The following WIPI2 variants were observed in gnomAD, a reference collection of about 807,000 sequenced individuals.
WIPI2 encodes WD repeat domain, phosphoinositide interacting 2, also known as WD repeat domain phosphoinositide-interacting protein 2.
WIPI2 carries 28 observed loss-of-function variants against 52.3 expected under a neutral mutation model. The ratio of observed to expected loss-of-function variants is 0.54; its 90% CI spans 0.40 to 0.73. WIPI2 has a LOEUF of 0.73. WIPI2 is among the 30% of genes least tolerant of loss of function. The pLI is 0.00. For synonymous variants in WIPI2, 268 were observed against 245.0 expected (o/e 1.09, Z -0.88); for missense variants, 506 against 602.9 (o/e 0.84, Z 1.68).
In WIPI2 at chr7:5,230,494, A is replaced by G. The variant is rs1159162130; in HGVS notation, c.1253-341A>G. Among the ~76,000 whole-genome samples, 4 of 152,156 alleles carry G rather than the reference A, an allele frequency of 2.6e-5. No individual in the cohort carries two copies. Among genetic ancestry groups the G allele is most frequent in the Non-Finnish European group, 5.9e-5 (4 of 68,024 alleles). ...TGTGAACCGGCACTTCCAGTTCATG[A>G]GCCCACCCTGAGAGTCTCCTAGTGT... On this transcript the variant is annotated intron_variant, in intron 12 of 12. Transcript: ENST00000288828. This position sits in a 1 kb window ranked among gnomAD's most constrained non-coding sequence, Gnocchi z 4.8.
intron 2 of WIPI2, among the ~76,000 whole-genome samples, chr7:5,194,219 G>A (rs1397592179): frequency 3.3e-5 from 5 of 152,252 alleles, no homozygotes; most frequent in South Asian, 2.1e-4. Flanking sequence ...GAGGGGGAGC[G>A]GGGATGGGGG....
intron 9 of WIPI2, 181 bp downstream of exon 9, chr7:5,226,111 C>T (rs1425697814): frequency 4.9e-6 from 3 of 615,462 alleles, no homozygotes; most frequent in Non-Finnish European, 8.7e-6. Context: ...GAGGATGGGC[C>T]CCAGCAGATG....
chr7:5,209,976 C>T (rs992127024), intron 3 of WIPI2, among the ~76,000 whole-genome samples: 6 of 152,252 alleles, frequency 3.9e-5, no homozygotes, highest in East Asian at 1.9e-4. Context: ...GGTGCCATCT[C>T]GGCTGGCTGC....
At chr7:5,193,333 C>G (rs1299401496) in intron 2 of WIPI2, 162 bp downstream of exon 2, 6 of 1,440,096 alleles carry the variant, frequency 4.2e-6, no homozygotes, top group Admixed American at 2.9e-5. Flanking sequence ...GTGGATACCA[C>G]AGCTTGTGGG....
Position 5,217,584 on chromosome 7 carries a change from C to T in WIPI2, c.577-338C>T, listed in dbSNP as rs376975841. 43 of 412,648 alleles carry T rather than the reference C, an allele frequency of 1.0e-4. 1 individual carries two copies. The East Asian group carries it at 2.0e-3, about 19-fold the overall frequency. The allele number at this position is 412,648 out of a possible 1,614,324, so 25.6% of individuals were successfully genotyped here. A position where few individuals can be genotyped will look rare whatever the true frequency, so the allele number is the denominator to read the frequency against. ...AGTGCTGGGACTACAGGCGGGTGCCCCGCGCCCAGCCCCACTGCTCTCTTC... is the reference window on the plus strand; with the variant it reads ...AGTGCTGGGACTACAGGCGGGTGCCTCGCGCCCAGCCCCACTGCTCTCTTC... On this transcript the variant is annotated intron_variant, in intron 6 of 12. Coordinates refer to ENST00000288828, the MANE Select transcript of WIPI2 (RefSeq NM_015610.4).
chr7:5,232,519 T>C lies in WIPI2; in HGVS notation c.*1572T>C. On this transcript the variant is annotated 3_prime_UTR_variant, in exon 13 of 13. Coordinates refer to ENST00000288828, the MANE Select transcript of WIPI2 (RefSeq NM_015610.4). ...TTTTCCTTCAAAACCTGCTTGTCTG[T>C]CCTGGACCTTTGATGAAATGGGATC... is the stretch of plus-strand genomic sequence containing the variant. 2.5e-6 allele frequency: 1 copy of C among 393,386 alleles called. No homozygotes were observed. 24.4% of individuals were successfully genotyped at this position (393,386 alleles called of 1,614,324 possible). A position where few individuals can be genotyped will look rare whatever the true frequency, so the allele number is the denominator to read the frequency against.
intron 1 of WIPI2, 151 bp downstream of exon 1, chr7:5,190,644 G>T (rs894985651): frequency 5.5e-5 from 40 of 733,520 alleles, no homozygotes; most frequent in Non-Finnish European, 4.8e-5. Context: ...CGGGCCCGGG[G>T]CGTGCAGGGA....
At chr7:5,222,960 C>T (rs928960408) in intron 8 of WIPI2, 1 of 401,926 alleles carries the variant, frequency 2.5e-6, no homozygotes, top group Admixed American at 3.9e-5. Context: ...TCCCAGCCTG[C>T]TGTAAGGGAC....
At chr7:5,219,200 G>C (rs1181995677) in intron 7 of WIPI2, among the ~76,000 whole-genome samples, 3 of 151,954 alleles carry the variant, frequency 2.0e-5, no homozygotes, top group Non-Finnish European at 2.9e-5. Context: ...CATAGCAAGG[G>C]CTCAGAAAGG....
chr7:5,212,339 G>A (rs1370717978), intron 3 of WIPI2, among the ~76,000 whole-genome samples: 53 of 152,098 alleles, frequency 3.5e-4, no homozygotes, highest in Admixed American at 3.4e-3. Flanking sequence ...GGATGCAACC[G>A]GGCCAGTGCG....
chr7:5,213,666 TTG>T (rs1488036424), intron 3 of WIPI2, among the ~76,000 whole-genome samples: 238 of 12,830 alleles, frequency 0.019, 1 homozygote, highest in African/African-American at 0.12. Context: ...TTTCTTTGTT[TTG>T]TTGTTGTTGT....
At position 5,216,547 on chromosome 7, in the gene WIPI2, T is replaced by A. The variant is rs944085364; in HGVS notation, c.382-16T>A. ...GCCGTTGCTTCACGTTTGGTTTCGT[T>A]TTGTCTCTCGCCTAGAGGCTGATAG... On this transcript the variant is annotated splice_polypyrimidine_tract_variant and intron_variant, in intron 4 of 12. Transcript: ENST00000288828. The A allele has an allele frequency of 1.2e-6, 2 of 1,613,578 alleles. No homozygotes were observed. The highest frequency in any genetic ancestry group is 1.7e-6 in the Non-Finnish European group (2 of 1,179,534).
At chr7:5,228,441 G>A (rs1253643247) in intron 11 of WIPI2, among the ~76,000 whole-genome samples, 1 of 152,244 alleles carries the variant, frequency 6.6e-6, no homozygotes, top group Non-Finnish European at 1.5e-5. Context: ...GCTCCCTCAG[G>A]GACTGGGCAC....
chr7:5,220,984 G>C (rs1202030161), intron 7 of WIPI2, among the ~76,000 whole-genome samples: 2 of 111,198 alleles, frequency 1.8e-5, no homozygotes, highest in Non-Finnish European at 3.7e-5. Flanking sequence ...TTTTTTTTGA[G>C]ACGGAGTCTT....
In WIPI2 at chr7:5,196,069, G is replaced by A. The variant is rs189549660; in HGVS notation, c.128+2898G>A. Among the ~76,000 whole-genome samples, 845 of 151,552 alleles carry A rather than the reference G, an allele frequency of 5.6e-3. 8 individuals carry two copies. The highest frequency in any genetic ancestry group is 0.02 in the African/African-American group (822 of 41,302). On this transcript the variant is annotated intron_variant, in intron 2 of 12. Transcript: ENST00000288828. ...AAAAACTTATCTTTTGCTGGGCGTG[G>A]TGGCTTACACCTGTAATCCCAGCAC...
At chr7:5,217,585 C>G in intron 6 of WIPI2, 1 of 412,738 alleles carries the variant, frequency 2.4e-6, no homozygotes, top group Non-Finnish European at 4.5e-6. Flanking sequence ...GCGGGTGCCC[C>G]GCGCCCAGCC....
intron 7 of WIPI2, among the ~76,000 whole-genome samples, chr7:5,220,949 A>G (rs1408866228): frequency 7.0e-6 from 1 of 142,410 alleles, no homozygotes; most frequent in East Asian, 2.0e-4. Flanking sequence ...GCGTGCCACC[A>G]CACCCACCTA....
intron 3 of WIPI2, among the ~76,000 whole-genome samples, chr7:5,212,027 C>G (rs544574332): frequency 2.4e-4 from 36 of 152,302 alleles, no homozygotes; most frequent in African/African-American, 8.7e-4. Context: ...CTGAATGGCA[C>G]AGAGATTGAG....
At position 5,199,648 on chromosome 7, in the gene WIPI2, C is replaced by T. The variant is rs144547542; in HGVS notation, c.201C>T (p.Ile67=). The change falls in exon 3 of 13, where the codon ATC becomes ATT. Residue 67 remains isoleucine, a synonymous_variant. Transcript: ENST00000288828. ...SLSSVDKLEQ[I]YECTDTEDVC... is the part of the protein sequence containing the mutation. ...CTTCTGTGGATAAGCTGGAACAGAT[C>T]TATGAATGCAGTAAGTGTTTGCTTT... 3.1e-6 allele frequency: 5 copies of T among 1,602,184 alleles called. No individual in the cohort carries two copies. The highest frequency in any genetic ancestry group is 4.3e-6 in the Non-Finnish European group (5 of 1,175,702).
Sources: allele counts gnomAD v4.1 joint callset (sites outside exome capture counted in the v4.1 genomes callset), GRCh38; gene constraint gnomAD v4.1.1; non-coding constraint Gnocchi (gnomAD v3.1); transcripts MANE v1.5; gene names NCBI Gene and HGNC (gene_info 2026-07-23, HGNC 2026-07-21).